NTM: variants seen among roughly 807,000 people sequenced by gnomAD.
NTM encodes the protein IgLON family member 2.
A neutral mutation model predicts 42.1 loss-of-function variants in NTM; 13 were observed. That is an observed-to-expected ratio of 0.31 (90% CI 0.20 to 0.49). The LOEUF is 0.49. Among genes scored for constraint, NTM ranks in the 20% least tolerant of loss-of-function variants. NTM has a pLI of 0.99. For synonymous variants in NTM, 187 were observed against 179.2 expected (o/e 1.04, Z -0.35); for missense variants, 373 against 452.8 (o/e 0.82, Z 1.60).
intron 7 of NTM, 184 bp from the exon 8 acceptor site, chr11:132,329,969 A>T: frequency 1.9e-6 from 1 of 527,162 alleles, no homozygotes; most frequent in Non-Finnish European, 2.4e-6. Context: ...AGTAAACCAG[A>T]AAACCAGAGG....
At chr11:132,032,725 A>G (rs553645791) in intron 2 of NTM, among the ~76,000 whole-genome samples, 2 of 152,254 alleles carry the variant, frequency 1.3e-5, no homozygotes, top group South Asian at 2.1e-4. Context: ...ATACTTTAAG[A>G]TATCTGATTC....
intron 1 of NTM, among the ~76,000 whole-genome samples, chr11:131,896,724 T>C (rs1171667793): frequency 6.9e-6 from 1 of 145,966 alleles, no homozygotes; most frequent in African/African-American, 2.6e-5. Flanking sequence ...AGTCTGGCTC[T>C]GTCGCCCAGG....
intron 1 of NTM, among the ~76,000 whole-genome samples, chr11:131,734,212 C>A (rs1240283759): frequency 6.6e-6 from 1 of 152,090 alleles, no homozygotes; most frequent in Non-Finnish European, 1.5e-5. Context: ...AAGCTGAGTT[C>A]CTAGGTGAAC....
At chr11:131,524,387 T>C (rs1055110939) in intron 1 of NTM, among the ~76,000 whole-genome samples, 10 of 152,120 alleles carry the variant, frequency 6.6e-5, no homozygotes, top group Admixed American at 2.0e-4. Context: ...TCCCTTCTGC[T>C]GCACTCTGTT....
intron 2 of NTM, among the ~76,000 whole-genome samples, chr11:132,125,381 G>GT (rs367600964): frequency 9.6e-5 from 13 of 135,620 alleles, no homozygotes; most frequent in South Asian, 2.5e-4. Flanking sequence ...TGTGTGTGGT[G>GT]GTGTATGTGG....
chr11:131,934,461 TATTCATTC>T, intron 2 of NTM, among the ~76,000 whole-genome samples: 1 of 152,310 alleles, frequency 6.6e-6, no homozygotes, highest in South Asian at 2.1e-4. Flanking sequence ...ACAGGGTAAA[TATTCATTC>T]ATTCATTCAT....
chr11:131,611,478 G>T (rs895832245), intron 1 of NTM, among the ~76,000 whole-genome samples: 2 of 152,192 alleles, frequency 1.3e-5, no homozygotes, highest in African/African-American at 4.8e-5. Flanking sequence ...TGCCTCTCCG[G>T]CTCCTCTGTG....
At chr11:132,218,524 ATCTTAG>A (rs2084416585) in intron 4 of NTM, among the ~76,000 whole-genome samples, 1 of 152,142 alleles carries the variant, frequency 6.6e-6, no homozygotes, top group Non-Finnish European at 1.5e-5. Flanking sequence ...AAGACTTGAG[ATCTTAG>A]TCTTTTTGCT....
intron 1 of NTM, among the ~76,000 whole-genome samples, chr11:131,388,424 GTTT>G (rs374892633): frequency 2.7e-5 from 3 of 110,276 alleles, no homozygotes; most frequent in Middle Eastern, 4.5e-3. Flanking sequence ...TGGGTTTTGG[GTTT>G]TTTTTTTTTT....
intron 2 of NTM, among the ~76,000 whole-genome samples, chr11:132,028,819 T>C (rs534770): frequency 0.51 from 77,229 of 151,430 alleles, 20,438 homozygotes; most frequent in African/African-American, 0.62. Flanking sequence ...AATGGCTGCC[T>C]TTGCTCTCCC....
At chr11:132,095,855 T>A (rs545212952) in intron 2 of NTM, among the ~76,000 whole-genome samples, 11 of 152,220 alleles carry the variant, frequency 7.2e-5, no homozygotes, top group Non-Finnish European at 1.6e-4. Context: ...TAGCCCTGCC[T>A]AATGACCAGG....
Position 131,883,530 on chromosome 11 carries a change from G to A in NTM, c.83-28034G>A, listed in dbSNP as rs114020327. Among the ~76,000 whole-genome samples the A allele has an allele frequency of 6.0e-3, 910 of 152,246 alleles. 11 individuals are homozygous for A. Among genetic ancestry groups the A allele is most frequent in the African/African-American group, 0.021 (863 of 41,546 alleles). On this transcript the variant is annotated intron_variant, in intron 1 of 8. Coordinates refer to ENST00000683400, the MANE Select transcript of NTM (RefSeq NM_001352005.2). Reference sequence around the variant, plus strand: ...GAAAAAACAGCACCAGGTATATAGCGCCATCACTGTTCAAATGAAGAAACT... The same window carrying A: ...GAAAAAACAGCACCAGGTATATAGCACCATCACTGTTCAAATGAAGAAACT...
Position 131,410,517 on chromosome 11 carries a change from C to CAAAAA in NTM, c.82+39651_82+39655dup, listed in dbSNP as rs1161389222. The stretch of plus-strand genomic sequence containing the variant: ...CAGAAACAAACAAACAAACAATAAC[C>CAAAAA]AAAAAAAAAAAAAAAAAAAAAAAAA... On this transcript the variant is annotated intron_variant, in intron 1 of 8. Coordinates refer to ENST00000683400, the MANE Select transcript of NTM (RefSeq NM_001352005.2). Among the ~76,000 whole-genome samples, 3 of 32,752 alleles carry CAAAAA rather than the reference C, an allele frequency of 9.2e-5. 1 individual carries two copies. Among genetic ancestry groups the CAAAAA allele is most frequent in the Non-Finnish European group, 1.5e-4 (3 of 19,968 alleles). 21.5% of individuals were successfully genotyped at this position (32,752 alleles called of 152,430 possible).
At chr11:131,521,519 C>G (rs899565027) in intron 1 of NTM, among the ~76,000 whole-genome samples, 1 of 148,794 alleles carries the variant, frequency 6.7e-6, no homozygotes, top group Admixed American at 6.7e-5. Context: ...AGCCATTCTC[C>G]TGCCTCAGCC....
At chr11:131,825,234 A>G (rs2041985520) in intron 1 of NTM, among the ~76,000 whole-genome samples, 1 of 152,142 alleles carries the variant, frequency 6.6e-6, no homozygotes, top group Admixed American at 6.6e-5. Context: ...CCCTTTTCAT[A>G]AAGACACCAG....
At chr11:132,114,374 G>A (rs2063606034) in intron 2 of NTM, among the ~76,000 whole-genome samples, 1 of 152,268 alleles carries the variant, frequency 6.6e-6, no homozygotes, top group South Asian at 2.1e-4. Context: ...GTCCCTTTCT[G>A]ATCAGCCACG....
At chr11:131,769,373 C>T (rs370265072) in intron 1 of NTM, among the ~76,000 whole-genome samples, 3 of 152,148 alleles carry the variant, frequency 2.0e-5, no homozygotes, top group African/African-American at 7.2e-5. Context: ...CCTCTTCAAG[C>T]TTCTGCCTCT....
intron 1 of NTM, among the ~76,000 whole-genome samples, chr11:131,672,479 G>C (rs185313234): frequency 5.3e-5 from 8 of 152,340 alleles, no homozygotes; most frequent in African/African-American, 1.4e-4. Flanking sequence ...CACCCCGACA[G>C]CTGGAGTGCC....
At chr11:131,913,528 T>A (rs548437534) in intron 2 of NTM, among the ~76,000 whole-genome samples, 1 of 152,156 alleles carries the variant, frequency 6.6e-6, no homozygotes, top group African/African-American at 2.4e-5. Flanking sequence ...AGGCCTGATT[T>A]AGGAGGAGCT....
Sources: gnomAD v4.1 joint callset for allele counts (sites outside exome capture counted in the v4.1 genomes callset) on GRCh38, gnomAD v4.1.1 for gene constraint, MANE v1.5 for transcripts, NCBI Gene and HGNC (gene_info 2026-07-23, HGNC 2026-07-21) for gene names.